The following RHBDL1 variants were observed in gnomAD, a reference collection of about 807,000 sequenced individuals.
RHBDL1 encodes the protein rhomboid like 1, also known as rhomboid-related protein 1.
RHBDL1 carries 21 observed loss-of-function variants against 34.0 expected under a neutral mutation model. The ratio of observed to expected loss-of-function variants is 0.62; its 90% confidence interval spans 0.44 to 0.89. The LOEUF is 0.89. Among genes scored for constraint, RHBDL1 ranks in the 40% least tolerant of loss-of-function variants. The pLI is 0.00. For missense variants in RHBDL1, 450 were observed against 530.6 expected (o/e 0.85, Z 1.49); for synonymous variants, 268 against 234.8 (o/e 1.14, Z -1.29).
rs1356934640 is a variant in RHBDL1, at chr16:676,042, G to A, written c.39+213G>A. ...GAAGGGAGAGTCGGGGGGAGGGAGG[G>A]AGGGAGGGAGGGAGGGCGGGCAGCT... On this transcript the variant is annotated intron_variant, in intron 1 of 7. Transcript: ENST00000352681. This position sits in a 1 kb window ranked among gnomAD's most constrained non-coding sequence, Gnocchi z 6.9. 4 of 1,431,588 alleles carry A rather than the reference G, an allele frequency of 2.8e-6. No individual in the cohort carries two copies. Among genetic ancestry groups the A allele is most frequent in the Middle Eastern group, 2.6e-4 (1 of 3,852 alleles). The allele number at this position is 1,431,588 out of a possible 1,614,324, so 88.7% of individuals were successfully genotyped here. A position where few individuals can be genotyped will look rare whatever the true frequency, so the allele number is the denominator to read the frequency against.
Position 675,766 on chromosome 16 carries a change from G to A in RHBDL1, c.-25G>A, listed in dbSNP as rs2039521326. ...CCTCCCGGCCGCGGCCGCCGACCCC[G>A]GACCCCGGCCCCCGGCCAGGCTCTA... On this transcript the variant is annotated 5_prime_UTR_variant, in exon 1 of 8. Coordinates refer to ENST00000352681, the MANE Select transcript of RHBDL1 (RefSeq NM_001278720.2). 1 of 1,448,604 alleles carries A rather than the reference G, an allele frequency of 6.9e-7. No individual in the cohort carries two copies. Among genetic ancestry groups the A allele is most frequent in the African/African-American group, 1.5e-5 (1 of 68,330 alleles). The allele number at this position is 1,448,604 out of a possible 1,614,324, so 89.7% of individuals were successfully genotyped here.
rs374937358 is a variant in RHBDL1 at position 676,740 on chromosome 16, C to T, written c.270C>T (p.Asp90=). 1.2e-5 allele frequency: 19 copies of T among 1,611,742 alleles called. No individual in the cohort carries two copies. The Middle Eastern group carries it at 4.9e-4, about 42-fold the overall frequency. The change falls in exon 3 of 8, where the codon GAC becomes GAT. Residue 90 remains aspartate (D), a synonymous_variant. Coordinates refer to ENST00000352681, the MANE Select transcript of RHBDL1 (RefSeq NM_001278720.2). This position sits in a 1 kb window ranked among gnomAD's most constrained non-coding sequence, Gnocchi z 6.9. ...ACGGACAGCGGGCACTGCCCCGGGA[C>T]GGGCCGCTGGATGAGCCAGGCCTAG... The part of the protein sequence containing the change: ...IANGQRALPR[D]GPLDEPGLGV...
chr16:676,597 G>C lies in RHBDL1; in HGVS notation c.202-75G>C, dbSNP rs937828674. 8 of 1,582,362 alleles carry C rather than the reference G, an allele frequency of 5.1e-6. No individual in the cohort carries two copies. The African/African-American group carries it at 9.4e-5, about 19-fold the overall frequency. On this transcript the variant is annotated intron_variant, in intron 2 of 7. Transcript: ENST00000352681. The surrounding 1 kb of genome is among the most constrained non-coding windows in gnomAD (Gnocchi z 6.9). ...CGGTGGGTGGGGGGCTTGTGGATGC[G>C]GGGAGCTGGGTGAGCCTCACAGGCA...
Position 677,616 on chromosome 16 carries a change from TTCTCG to T in RHBDL1, c.790-19_790-15del. Reference sequence around the variant, plus strand: ...AGGGGCCCCAGGTGAGCCTCACCACTTCTCGTCTGCACACACCCATAGAACTGGGC... The same window carrying T: ...AGGGGCCCCAGGTGAGCCTCACCACTTCTGCACACACCCATAGAACTGGGC... On this transcript the variant is annotated intron_variant, in intron 6 of 7. Coordinates refer to ENST00000352681, the MANE Select transcript of RHBDL1 (RefSeq NM_001278720.2). 1 of 1,602,202 alleles carries T rather than the reference TTCTCG, an allele frequency of 6.2e-7. No individual in the cohort carries two copies. The highest frequency in any genetic ancestry group is 8.5e-7 in the Non-Finnish European group (1 of 1,174,116).
rs769767024 is a variant in RHBDL1, at chr16:676,055, A to AGGGC, written c.39+231_39+234dup. The AGGGC allele has an allele frequency of 2.7e-5, 12 of 441,048 alleles. No homozygotes were observed. The highest frequency in any genetic ancestry group is 1.2e-4 in the Admixed American group (2 of 16,600). 27.3% of individuals were successfully genotyped at this position (441,048 alleles called of 1,614,324 possible). A position where few individuals can be genotyped will look rare whatever the true frequency, so the allele number is the denominator to read the frequency against. ...GGGGGAGGGAGGGAGGGAGGGAGGG[A>AGGGC]GGGCGGGCAGCTGGCTGGTCTTGGA... On this transcript the variant is annotated intron_variant, in intron 1 of 7. Coordinates refer to ENST00000352681, the MANE Select transcript of RHBDL1 (RefSeq NM_001278720.2). This position sits in a 1 kb window ranked among gnomAD's most constrained non-coding sequence, Gnocchi z 6.9.
In RHBDL1 at chr16:678,228, T is replaced by A. The variant is rs1002952596; in HGVS notation, c.*176T>A. 4 of 1,368,292 alleles carry A rather than the reference T, an allele frequency of 2.9e-6. No individual in the cohort carries two copies. The Admixed American group carries it at 1.0e-4, about 35-fold the overall frequency. 84.8% of individuals were successfully genotyped at this position (1,368,292 alleles called of 1,614,324 possible). A position where few individuals can be genotyped will look rare whatever the true frequency, so the allele number is the denominator to read the frequency against. On this transcript the variant is annotated 3_prime_UTR_variant, in exon 8 of 8. Coordinates refer to ENST00000352681, the MANE Select transcript of RHBDL1 (RefSeq NM_001278720.2). ...CACCCCCCACTCCCAGGACTTGCGG[T>A]CTGAGCCTTTTTGGATAATTAATAA...
In RHBDL1 at chr16:678,119, G is replaced by A. The variant is rs1159679776; in HGVS notation, c.*67G>A. The A allele has an allele frequency of 3.4e-6, 5 of 1,466,658 alleles. No homozygotes were observed. The highest frequency in any genetic ancestry group is 2.5e-5 in the East Asian group (1 of 40,560). The allele number at this position is 1,466,658 out of a possible 1,614,324, so 90.9% of individuals were successfully genotyped here. The stretch of plus-strand genomic sequence containing the variant: ...GTGGCCGCCCACCAGGGGCCTTCAC[G>A]TCTGCCCTTTGTGAACGGACGTCTC... On this transcript the variant is annotated 3_prime_UTR_variant, in exon 8 of 8. Coordinates refer to ENST00000352681, the MANE Select transcript of RHBDL1 (RefSeq NM_001278720.2).
At position 675,729 on chromosome 16, in the gene RHBDL1, C is replaced by G; in HGVS notation, c.-62C>G. 1 of 1,079,718 alleles carries G rather than the reference C, an allele frequency of 9.3e-7. No homozygotes were observed. The highest frequency in any genetic ancestry group is 1.3e-6 in the Non-Finnish European group (1 of 793,714). 66.9% of individuals were successfully genotyped at this position (1,079,718 alleles called of 1,614,324 possible). A position where few individuals can be genotyped will look rare whatever the true frequency, so the allele number is the denominator to read the frequency against. ...CCGGCTGGGGCGGAGCGGAGTCGTC[C>G]GCAGAGCAGCCCCTCCCGGCCGCGG... On this transcript the variant is annotated 5_prime_UTR_variant, in exon 1 of 8. Transcript: ENST00000352681.
At position 676,485 on chromosome 16, in the gene RHBDL1, G is replaced by A; in HGVS notation, c.189G>A (p.Glu63=). The change falls in exon 2 of 8, where the codon GAG becomes GAA. Residue 63 remains glutamate (E), a synonymous_variant. Coordinates refer to ENST00000352681, the MANE Select transcript of RHBDL1 (RefSeq NM_001278720.2). The surrounding 1 kb of genome is among the most constrained non-coding windows in gnomAD (Gnocchi z 6.9). ...SNEQGQVCYQ[E]LVDLISSKRS... is the part of the protein sequence containing the mutation. ...AGCAGGGCCAGGTCTGCTACCAGGAGCTGGTGGACCTGGTCAGTGCCACGG... is the reference window on the plus strand; with the variant it reads ...AGCAGGGCCAGGTCTGCTACCAGGAACTGGTGGACCTGGTCAGTGCCACGG... 1 of 1,593,264 alleles carries A rather than the reference G, an allele frequency of 6.3e-7. No individual in the cohort carries two copies. Among genetic ancestry groups the A allele is most frequent in the Non-Finnish European group, 8.5e-7 (1 of 1,172,332 alleles).
At chr16:675,850 G>T (rs1232443161) in intron 1 of RHBDL1, 21 bp downstream of exon 1, 2 of 1,512,646 alleles carry the variant, frequency 1.3e-6, no homozygotes, top group Non-Finnish European at 8.8e-7. Context: ...GGGTGGTCTG[G>T]GGAGCTGGCA....
intron 7 of RHBDL1, 26 bp from the exon 8 acceptor site, chr16:677,755 C>A: frequency 6.6e-7 from 1 of 1,520,570 alleles, no homozygotes; most frequent in South Asian, 1.3e-5. Context: ...GCCAGGGCAC[C>A]TCCCACCTGC....
intron 1 of RHBDL1, 74 bp downstream of exon 1, chr16:675,903 C>T (rs2039525676): frequency 4.2e-6 from 6 of 1,437,164 alleles, no homozygotes; most frequent in Non-Finnish European, 3.7e-6. Flanking sequence ...TGAGCTTGTG[C>T]GGGACCGAGC....
At position 677,066 on chromosome 16, in the gene RHBDL1, C is replaced by T. The variant is rs193226422; in HGVS notation, c.522C>T (p.Pro174=). The T allele has an allele frequency of 5.6e-5, 90 of 1,612,890 alleles. No homozygotes were observed. Among genetic ancestry groups the T allele is most frequent in the East Asian group, 8.9e-5 (4 of 44,878 alleles). Residue 174 remains proline, a synonymous_variant, in exon 4 of 8, where the codon CCC becomes CCT. Coordinates refer to ENST00000352681, the MANE Select transcript of RHBDL1 (RefSeq NM_001278720.2). ...TGAAGAGCCCCCTTGTGTACCACCC[C>T]GGGCACCGTGCCCGCGCCTGGCGCT... The part of the protein sequence containing the change: ...EYMKSPLVYH[P]GHRARAWRFL...
Position 677,266 on chromosome 16 carries a change from C to T in RHBDL1, c.576-10C>T, listed in dbSNP as rs200328683. 14 of 1,561,384 alleles carry T rather than the reference C, an allele frequency of 9.0e-6. No individual in the cohort carries two copies. The Admixed American group carries it at 2.5e-4, about 28-fold the overall frequency. On this transcript the variant is annotated splice_polypyrimidine_tract_variant and intron_variant, in intron 4 of 7. Coordinates refer to ENST00000352681, the MANE Select transcript of RHBDL1 (RefSeq NM_001278720.2). ...CCACCCTTCGTACCCGTTTGCTTCC[C>T]TGTGGCCAGGCTGGAGCAGCTGGGG...
In RHBDL1 at chr16:676,805, T is replaced by G; in HGVS notation, c.335T>G (p.Ile112Ser). The change falls in exon 3 of 8, where the codon ATC (isoleucine) becomes AGC (serine). Residue 112 changes from isoleucine to serine, a missense_variant. Coordinates refer to ENST00000352681, the MANE Select transcript of RHBDL1 (RefSeq NM_001278720.2). The surrounding 1 kb of genome is among the most constrained non-coding windows in gnomAD (Gnocchi z 6.9). ...KRFVRYVAYEILPCEVDRRWY... is the reference protein window; with the variant it reads ...KRFVRYVAYESLPCEVDRRWY... ...TTTGTGCGTTACGTGGCCTACGAGA[T>G]CCTGCCTTGTGAGGTGGACCGCCGC... 6.2e-7 allele frequency: 1 copy of G among 1,611,104 alleles called. No homozygotes were observed. The highest frequency in any genetic ancestry group is 8.5e-7 in the Non-Finnish European group (1 of 1,179,564).
intron 1 of RHBDL1, 56 bp downstream of exon 1, chr16:675,885 C>CGCTGA: frequency 6.8e-7 from 1 of 1,465,460 alleles, no homozygotes; most frequent in Non-Finnish European, 9.0e-7. Context: ...GCCCTCCTGC[C>CGCTGA]GCTGAGCTGA....
Position 677,184 on chromosome 16 carries a change from G to T in RHBDL1, c.575+65G>T, listed in dbSNP as rs538508922. On this transcript the variant is annotated intron_variant, in intron 4 of 7. Coordinates refer to ENST00000352681, the MANE Select transcript of RHBDL1 (RefSeq NM_001278720.2). ...GCCATTACATCAGAAAGGCTTAGCCGCAAGGCAGGTGCGGCAACTTGAGGT... is the reference window on the plus strand; with the variant it reads ...GCCATTACATCAGAAAGGCTTAGCCTCAAGGCAGGTGCGGCAACTTGAGGT... 2.9e-5 allele frequency: 46 copies of T among 1,578,228 alleles called. No individual in the cohort carries two copies. The East Asian group carries it at 9.0e-4, about 31-fold the overall frequency.
rs756614232 is a variant in RHBDL1, at chr16:677,300, C to T, written c.600C>T (p.Ala200=). The change falls in exon 5 of 8, where the codon GCC becomes GCT. Residue 200 remains alanine, a synonymous_variant. Coordinates refer to ENST00000352681, the MANE Select transcript of RHBDL1 (RefSeq NM_001278720.2). ...HVGLEQLGFN[A]LLQLMIGVPL... The stretch of plus-strand genomic sequence containing the variant: ...GGCTGGAGCAGCTGGGGTTCAACGC[C>T]CTCCTGCAGCTGATGATCGGGGTGC... 77 of 1,569,642 alleles carry T rather than the reference C, an allele frequency of 4.9e-5. No homozygotes were observed. Among genetic ancestry groups the T allele is most frequent in the Non-Finnish European group, 6.2e-5 (72 of 1,158,126 alleles).
chr16:676,259 C>G lies in RHBDL1; in HGVS notation c.40-77C>G. Reference sequence around the variant, plus strand: ...TGCTGGGAGCCTGAGCCTGATGCTCCCAGCCAGCCTGGCCCAGCCCTTTGG... The same window carrying G: ...TGCTGGGAGCCTGAGCCTGATGCTCGCAGCCAGCCTGGCCCAGCCCTTTGG... On this transcript the variant is annotated intron_variant, in intron 1 of 7. Transcript: ENST00000352681. The surrounding 1 kb of genome is among the most constrained non-coding windows in gnomAD (Gnocchi z 6.9). 2 of 1,565,320 alleles carry G rather than the reference C, an allele frequency of 1.3e-6. No homozygotes were observed. Among genetic ancestry groups the G allele is most frequent in the Non-Finnish European group, 1.7e-6 (2 of 1,155,016 alleles).
Sources: allele counts gnomAD v4.1 joint callset, GRCh38; gene constraint gnomAD v4.1.1; non-coding constraint Gnocchi (gnomAD v3.1); transcripts MANE v1.5; gene names NCBI Gene and HGNC (gene_info 2026-07-23, HGNC 2026-07-21).